LRRTM4: variants seen among roughly 807,000 people sequenced by gnomAD.
LRRTM4 encodes the protein leucine-rich repeat transmembrane neuronal protein 4.
Under a neutral mutation model 47.6 loss-of-function variants are expected in LRRTM4, and 25 were observed. That is an observed-to-expected ratio of 0.53 (90% CI 0.38 to 0.73). LRRTM4 has a LOEUF of 0.73. Ranked by LOEUF, LRRTM4 falls within the 30% of genes least tolerant of loss-of-function variation. The probability of loss-of-function intolerance (pLI) is 0.00; values close to 1 mark genes in which losing one functional copy is unlikely to be tolerated. For missense variants in LRRTM4, 638 were observed against 713.4 expected (o/e 0.89, Z 1.20); for synonymous variants, 311 against 269.5 (o/e 1.15, Z -1.51).
chr2:76,906,585 T>C lies in LRRTM4; in HGVS notation c.1552-157669A>G, dbSNP rs934183364. 1.3e-4 allele frequency among the ~76,000 whole-genome samples: 20 copies of C among 152,098 alleles called. No individual in the cohort carries two copies. In the South Asian group the frequency reaches 2.3e-3, roughly 17 times the overall value. On this transcript the variant is annotated intron_variant, in intron 3 of 3. Transcript: ENST00000409884. ...TAAAGAGTCAAGACCCATCAGTCTGTTGTATTCAGGAAAAGCATCTCACAT... is the reference window on the plus strand; with the variant it reads ...TAAAGAGTCAAGACCCATCAGTCTGCTGTATTCAGGAAAAGCATCTCACAT...
chr2:76,878,560 C>T (rs562681577), intron 3 of LRRTM4, among the ~76,000 whole-genome samples: 7 of 151,850 alleles, frequency 4.6e-5, no homozygotes, highest in South Asian at 2.1e-4. Context: ...AGTGAAGACA[C>T]GAATTATAGG....
At chr2:77,152,835 G>A (rs72622649) in intron 3 of LRRTM4, among the ~76,000 whole-genome samples, 2,305 of 152,100 alleles carry the variant, frequency 0.015, 51 homozygotes, top group Middle Eastern at 0.055. Flanking sequence ...TTATATAAAT[G>A]TATGAGGTAC....
intron 3 of LRRTM4, among the ~76,000 whole-genome samples, chr2:77,288,930 G>GA (rs34843915): frequency 0.12 from 17,921 of 151,662 alleles, 2,148 homozygotes; most frequent in African/African-American, 0.3. Context: ...GAAACACTGG[G>GA]AAAAAAAATT....
intron 3 of LRRTM4, among the ~76,000 whole-genome samples, chr2:77,160,399 G>C (rs1304148821): frequency 2.0e-5 from 3 of 151,986 alleles, no homozygotes; most frequent in African/African-American, 7.2e-5. Context: ...TTCTGATCTA[G>C]AGGCTAAATT....
At chr2:77,110,196 G>C (rs1032605223) in intron 3 of LRRTM4, among the ~76,000 whole-genome samples, 2 of 152,104 alleles carry the variant, frequency 1.3e-5, no homozygotes, top group Non-Finnish European at 1.5e-5. Flanking sequence ...AATAATGAGT[G>C]ATATTAAAAG....
rs368158294 is a variant in LRRTM4, at chr2:77,521,733, C to G, written c.-62G>C. The G allele has an allele frequency of 1.9e-6, 3 of 1,589,038 alleles. No homozygotes were observed. The African/African-American group carries it at 4.1e-5, about 22-fold the overall frequency. ...CTTTCTTCTTATTTGGTCTCTTGTG[C>G]GGAAACCACCACCACCTTCATGACA... On this transcript the variant is annotated 5_prime_UTR_variant, in exon 2 of 4. Coordinates refer to ENST00000409884, the MANE Select transcript of LRRTM4 (RefSeq NM_001134745.3).
intron 3 of LRRTM4, among the ~76,000 whole-genome samples, chr2:77,265,278 G>T (rs1047248712): frequency 1.3e-5 from 2 of 152,070 alleles, no homozygotes; most frequent in African/African-American, 2.4e-5. Flanking sequence ...TGTCCCCAAA[G>T]TTCGTATGTT....
chr2:77,315,650 AT>A (rs1054074146), intron 3 of LRRTM4, among the ~76,000 whole-genome samples: 13 of 151,148 alleles, frequency 8.6e-5, no homozygotes, highest in Admixed American at 7.9e-4. Context: ...CCTTTGAGCA[AT>A]TTTTTTTTGG....
In LRRTM4 at chr2:76,909,751, A is replaced by G. The variant is rs1296726615; in HGVS notation, c.1552-160835T>C. Among the ~76,000 whole-genome samples, 4 of 152,350 alleles carry G rather than the reference A, an allele frequency of 2.6e-5. 1 individual carries two copies. The highest frequency in any genetic ancestry group is 1.5e-5 in the Non-Finnish European group (1 of 68,030). Reference sequence around the variant, plus strand: ...CAAAAAAACACATGAAAAAATGCTCACCATCACTGACTATCAGAGAAATGC... The same window carrying G: ...CAAAAAAACACATGAAAAAATGCTCGCCATCACTGACTATCAGAGAAATGC... On this transcript the variant is annotated intron_variant, in intron 3 of 3. Transcript: ENST00000409884.
chr2:77,383,709 G>A (rs762104682), intron 3 of LRRTM4, among the ~76,000 whole-genome samples: 31 of 152,008 alleles, frequency 2.0e-4, no homozygotes, highest in Non-Finnish European at 3.7e-4. Context: ...CTGAGACCCA[G>A]AGATAATTCA....
intron 3 of LRRTM4, among the ~76,000 whole-genome samples, chr2:76,826,696 G>C (rs569691406): frequency 6.6e-6 from 1 of 151,856 alleles, no homozygotes; most frequent in South Asian, 2.1e-4. Flanking sequence ...GAAAGGTTTG[G>C]TCAGCCATAA....
At chr2:77,031,288 C>A (rs1442619646) in intron 3 of LRRTM4, among the ~76,000 whole-genome samples, 1 of 152,028 alleles carries the variant, frequency 6.6e-6, no homozygotes, top group Non-Finnish European at 1.5e-5. Flanking sequence ...AATGGACTTC[C>A]AAATGCTTTC....
intron 3 of LRRTM4, among the ~76,000 whole-genome samples, chr2:77,395,104 A>G (rs1673651742): frequency 6.6e-6 from 1 of 151,928 alleles, no homozygotes; most frequent in Non-Finnish European, 1.5e-5. Context: ...ATACTTTGGC[A>G]TCTTACTGGG....
intron 3 of LRRTM4, among the ~76,000 whole-genome samples, chr2:77,141,927 C>T (rs1010201257): frequency 2.6e-5 from 4 of 152,134 alleles, no homozygotes; most frequent in Non-Finnish European, 5.9e-5. Flanking sequence ...AGGGCTTCAA[C>T]ACCCAAGTCT....
intron 3 of LRRTM4, among the ~76,000 whole-genome samples, chr2:77,320,817 T>A (rs1032631201): frequency 1.3e-5 from 2 of 152,080 alleles, no homozygotes; most frequent in African/African-American, 4.8e-5. Context: ...TAGATGTGAA[T>A]CTATATGTAA....
intron 3 of LRRTM4, among the ~76,000 whole-genome samples, chr2:76,801,170 C>T (rs1675656407): frequency 6.6e-6 from 1 of 152,212 alleles, no homozygotes; most frequent in Middle Eastern, 3.4e-3. Flanking sequence ...TGGGTATATA[C>T]CCAAATGCCT....
chr2:77,038,336 GA>G (rs1314759880), intron 3 of LRRTM4, among the ~76,000 whole-genome samples: 570 of 151,678 alleles, frequency 3.8e-3, no homozygotes, highest in African/African-American at 0.013. Context: ...TTTGCTATTA[GA>G]ATTCACTTGA....
intron 3 of LRRTM4, among the ~76,000 whole-genome samples, chr2:76,844,700 A>G (rs1395887396): frequency 1.3e-5 from 2 of 152,148 alleles, no homozygotes; most frequent in African/African-American, 4.8e-5. Context: ...ATTGACAATT[A>G]TGTCTGTTAA....
intron 3 of LRRTM4, among the ~76,000 whole-genome samples, chr2:76,997,757 AG>A (rs1677252971): frequency 6.6e-6 from 1 of 152,106 alleles, no homozygotes; most frequent in African/African-American, 2.4e-5. Context: ...GCTGCACAGC[AG>A]GAGGTGAGCA....
Sources: allele counts gnomAD v4.1 joint callset (sites outside exome capture counted in the v4.1 genomes callset), GRCh38; gene constraint gnomAD v4.1.1; transcripts MANE v1.5; gene names NCBI Gene and HGNC (gene_info 2026-07-23, HGNC 2026-07-21).